The following MOBP variants were observed in gnomAD, a reference collection of about 807,000 sequenced individuals.
MOBP encodes myelin associated oligodendrocyte basic protein, also known as myelin-associated oligodendrocyte basic protein.
In MOBP, 5 loss-of-function variants were observed where a neutral mutation model predicts 15.0. The ratio of observed to expected loss-of-function variants is 0.33; its 90% CI spans 0.17 to 0.70. MOBP has a LOEUF of 0.70. MOBP is among the 30% of genes least tolerant of loss of function. The pLI, the probability that MOBP is intolerant of heterozygous loss-of-function variation, is 0.67. For synonymous variants in MOBP, 88 were observed against 99.0 expected, an observed-to-expected ratio of 0.89 and a Z score of 0.66; for missense variants, 188 against 257.8, an observed-to-expected ratio of 0.73 and a Z score of 1.85.
chr3:39,521,768 A>C (rs2043269944), intron 3 of MOBP, among the ~76,000 whole-genome samples: 1 of 152,240 alleles, frequency 6.6e-6, no homozygotes, highest in African/African-American at 2.4e-5. Context: ...CCGAACCATA[A>C]CTTTTGATGC....
intron 2 of MOBP, among the ~76,000 whole-genome samples, chr3:39,480,865 C>T (rs1273339912): frequency 6.6e-6 from 1 of 152,234 alleles, no homozygotes; most frequent in Non-Finnish European, 1.5e-5. Context: ...TCAAACTACT[C>T]CATCAAGCAA....
chr3:39,494,471 T>C (rs1447952591), intron 2 of MOBP, among the ~76,000 whole-genome samples: 1 of 146,680 alleles, frequency 6.8e-6, no homozygotes, highest in African/African-American at 2.4e-5. Context: ...TCAAATTTGT[T>C]TTTTTTTTCC....
At chr3:39,471,721 T>G (rs932451280) in intron 1 of MOBP, among the ~76,000 whole-genome samples, 2 of 152,172 alleles carry the variant, frequency 1.3e-5, no homozygotes, top group African/African-American at 4.8e-5. Context: ...CCTGCACTTG[T>G]TTCCATTCAG....
Position 39,482,890 on chromosome 3 carries a change from G to C in MOBP, c.-5+2767G>C, listed in dbSNP as rs114414179. ...AATATACCTCCCCAACCCCAACTCA[G>C]AGCCTTCTGTCCCAAACACTCTCGG... On this transcript the variant is annotated intron_variant, in intron 2 of 3. Transcript: ENST00000684792. Among the ~76,000 whole-genome samples, 661 of 152,048 alleles carry C rather than the reference G, an allele frequency of 4.3e-3. 2 individuals carry two copies. Among genetic ancestry groups the C allele is most frequent in the African/African-American group, 0.015 (618 of 41,426 alleles).
At chr3:39,498,400 G>GAGTGC (rs1362871413) in intron 2 of MOBP, among the ~76,000 whole-genome samples, 4 of 152,140 alleles carry the variant, frequency 2.6e-5, no homozygotes, top group Middle Eastern at 3.4e-3. Context: ...TCTCAGGCTG[G>GAGTGC]AGTGCAGTGG....
chr3:39,513,309 G>A, intron 4 of MOBP: 8 of 1,344,954 alleles, frequency 5.9e-6, no homozygotes, highest in Non-Finnish European at 6.3e-6. Context: ...TATACTAACT[G>A]AACACAGAGA....
chr3:39,471,848 A>G (rs2042474563), intron 1 of MOBP, among the ~76,000 whole-genome samples: 1 of 152,238 alleles, frequency 6.6e-6, no homozygotes, highest in Non-Finnish European at 1.5e-5. Context: ...AAGAAGCAAC[A>G]GGTGTGTGGA....
At chr3:39,509,102 GTGTATA>G (rs751234715) in intron 4 of MOBP, among the ~76,000 whole-genome samples, 7 of 97,018 alleles carry the variant, frequency 7.2e-5, no homozygotes, top group African/African-American at 1.0e-4. Context: ...GTGTGTGTGT[GTGTATA>G]TATATATATA....
intron 2 of MOBP, among the ~76,000 whole-genome samples, chr3:39,498,830 T>C (rs1349821080): frequency 6.6e-6 from 1 of 151,872 alleles, no homozygotes; most frequent in East Asian, 1.9e-4. Context: ...TAAGAAACAA[T>C]TTTCCCCTGA....
chr3:39,469,875 C>G (rs2042443385), intron 1 of MOBP, among the ~76,000 whole-genome samples: 1 of 152,062 alleles, frequency 6.6e-6, no homozygotes, highest in African/African-American at 2.4e-5. Context: ...AGATAATTTC[C>G]AAGGAATCAC....
At position 39,499,233 on chromosome 3, in the gene MOBP, C is replaced by G. The variant is rs545311402; in HGVS notation, c.-4-2833C>G. Among the ~76,000 whole-genome samples the G allele has an allele frequency of 5.8e-4, 88 of 152,200 alleles. 1 individual carries two copies. Among genetic ancestry groups the G allele is most frequent in the African/African-American group, 2.1e-3 (87 of 41,518 alleles). ...CATGGGAGGAGAAACTCTAGCTGAACTTCGCGACCTATGTAGGACTTGGGG... is the reference window on the plus strand; with the variant it reads ...CATGGGAGGAGAAACTCTAGCTGAAGTTCGCGACCTATGTAGGACTTGGGG... On this transcript the variant is annotated intron_variant, in intron 2 of 3. Coordinates refer to ENST00000684792, the MANE Select transcript of MOBP (RefSeq NM_001393704.1).
chr3:39,471,516 C>T (rs779801526), intron 1 of MOBP, among the ~76,000 whole-genome samples: 1 of 152,200 alleles, frequency 6.6e-6, no homozygotes. Context: ...TTGGAGACCA[C>T]TGGGCTGACC....
intron 3 of MOBP, among the ~76,000 whole-genome samples, chr3:39,521,317 TA>T (rs2043263651): frequency 1.3e-5 from 2 of 152,180 alleles, no homozygotes; most frequent in African/African-American, 2.4e-5. Context: ...CAATGTTATA[TA>T]GTGACTTTCT....
exon 5 of MOBP, chr3:39,513,621 C>T: frequency 1.6e-6 from 1 of 607,792 alleles, no homozygotes. Context: ...GCAGGGCTAT[C>T]TCTGTGTGTT....
At chr3:39,475,557 C>T (rs961966759) in intron 1 of MOBP, among the ~76,000 whole-genome samples, 1 of 152,114 alleles carries the variant, frequency 6.6e-6, no homozygotes, top group Non-Finnish European at 1.5e-5. Context: ...TGGAATGATT[C>T]TTTAAGGAAG....
downstream of MOBP, among the ~76,000 whole-genome samples, chr3:39,507,456 A>G (rs934987678): frequency 7.2e-5 from 11 of 152,252 alleles, no homozygotes; most frequent in Non-Finnish European, 1.3e-4. Context: ...AGTCTCCTCC[A>G]TAGCACATAT....
At chr3:39,528,438 A>G (rs1375523666), downstream of MOBP, 4 of 152,240 alleles carry the variant, frequency 2.6e-5, no homozygotes, top group Non-Finnish European at 5.9e-5. Context: ...TGTTGAGAGA[A>G]AGCAGGGTTT....
chr3:39,506,942 C>T (rs28572385), downstream of MOBP, among the ~76,000 whole-genome samples: 9,151 of 152,230 alleles, frequency 0.06, 804 homozygotes, highest in African/African-American at 0.19. Flanking sequence ...TCTTTAAACT[C>T]TCTGTTCTCT....
chr3:39,475,721 A>G (rs1382861770), intron 1 of MOBP, among the ~76,000 whole-genome samples: 1 of 152,134 alleles, frequency 6.6e-6, no homozygotes, highest in Non-Finnish European at 1.5e-5. Context: ...CTTTTAGGTT[A>G]GCTCCTGTGC....
Sources: gnomAD v4.1 joint callset for allele counts (sites outside exome capture counted in the v4.1 genomes callset) on GRCh38, gnomAD v4.1.1 for gene constraint, MANE v1.5 for transcripts, NCBI Gene and HGNC (gene_info 2026-07-23, HGNC 2026-07-21) for gene names.